Variants in STARD7 observed in about 807,000 individuals in gnomAD.
The protein encoded by STARD7 is stAR-related lipid transfer protein 7, mitochondrial.
Under a neutral mutation model 45.3 loss-of-function variants are expected in STARD7, and 30 were observed. The ratio of observed to expected loss-of-function variants is 0.66; its 90% CI spans 0.50 to 0.90. STARD7 has a LOEUF of 0.90. Ranked by LOEUF, STARD7 falls within the 40% of genes least tolerant of loss-of-function variation. STARD7 has a pLI of 0.00. For missense variants in STARD7, 495 were observed against 491.3 expected, an observed-to-expected ratio of 1.01 and a Z score of -0.07; for synonymous variants, 199 against 183.0, an observed-to-expected ratio of 1.09 and a Z score of -0.70.
chr2:96,204,559 G>A (rs1033301838), intron 1 of STARD7, among the ~76,000 whole-genome samples: 5 of 152,158 alleles, frequency 3.3e-5, no homozygotes, highest in Non-Finnish European at 5.9e-5. Flanking sequence ...TGTCCCGGAA[G>A]GGGGCGGGAG....
intron 6 of STARD7, among the ~76,000 whole-genome samples, chr2:96,191,549 T>C (rs1683125307): frequency 6.6e-6 from 1 of 152,192 alleles, no homozygotes; most frequent in Non-Finnish European, 1.5e-5. Context: ...TCTAAGCATG[T>C]GAGTCTCTCA....
Position 96,208,793 on chromosome 2 carries a change from A to C in STARD7, c.-359T>G. On this transcript the variant is annotated 5_prime_UTR_variant, in exon 1 of 8. Transcript: ENST00000337288. ...ACGAGACAGACAGCTCAGGCCCAGC[A>C]GCACGCAAGCTCCCGCGCCTTCCGC... 2.5e-6 allele frequency: 1 copy of C among 403,162 alleles called. No individual in the cohort carries two copies. Among genetic ancestry groups the C allele is most frequent in the East Asian group, 3.6e-5 (1 of 28,068 alleles). 25.0% of individuals were successfully genotyped at this position (403,162 alleles called of 1,614,324 possible).
chr2:96,186,025 T>A lies in STARD7; in HGVS notation c.*705A>T, dbSNP rs1275155466. On this transcript the variant is annotated 3_prime_UTR_variant, in exon 8 of 8. Transcript: ENST00000337288. ...CTGGCCGATTCACAGGAAACTTGCT[T>A]TGGATAAGGTGAGTCAATGGGTGAT... 6.6e-6 allele frequency: 1 copy of A among 152,128 alleles called. No individual in the cohort carries two copies. The highest frequency in any genetic ancestry group is 1.5e-5 in the Non-Finnish European group (1 of 68,022). The allele number at this position is 152,128 out of a possible 1,614,324, so 9.4% of individuals were successfully genotyped here.
intron 1 of STARD7, among the ~76,000 whole-genome samples, chr2:96,198,588 T>A (rs764679332): frequency 2.0e-5 from 3 of 152,236 alleles, no homozygotes; most frequent in Non-Finnish European, 4.4e-5. Context: ...CCAGCCAACT[T>A]AGTGGGTGTG....
chr2:96,193,809 C>A (rs996485073), intron 3 of STARD7, among the ~76,000 whole-genome samples: 12 of 152,212 alleles, frequency 7.9e-5, no homozygotes, highest in South Asian at 4.1e-4. Flanking sequence ...ACAGATATAC[C>A]ATATACATAA....
intron 5 of STARD7, among the ~76,000 whole-genome samples, chr2:96,192,697 A>G (rs1222401637): frequency 6.6e-6 from 1 of 152,212 alleles, no homozygotes; most frequent in Non-Finnish European, 1.5e-5. Context: ...AGGAAGGAAG[A>G]TCACTTGAGG....
intron 1 of STARD7, among the ~76,000 whole-genome samples, chr2:96,197,070 A>AAAC (rs1573943516): frequency 3.1e-5 from 3 of 96,406 alleles, no homozygotes; most frequent in Non-Finnish European, 4.0e-5. Context: ...CCGTCTCAAA[A>AAAC]TAAAATAAAA....
At chr2:96,190,526 C>T (rs897618095) in intron 6 of STARD7, among the ~76,000 whole-genome samples, 1 of 152,034 alleles carries the variant, frequency 6.6e-6, no homozygotes, top group African/African-American at 2.4e-5. Flanking sequence ...TTAGTAGAGA[C>T]AGGGTTTCAC....
rs397959036 is a variant in STARD7 at position 96,204,749 on chromosome 2, C to CA, written c.290+3395dup. Among the ~76,000 whole-genome samples, 390 of 96,016 alleles carry CA rather than the reference C, an allele frequency of 4.1e-3. 5 individuals are homozygous for CA. The highest frequency in any genetic ancestry group is 8.7e-3 in the Admixed American group (78 of 8,942). 63.0% of individuals were successfully genotyped at this position (96,016 alleles called of 152,430 possible). A position where few individuals can be genotyped will look rare whatever the true frequency, so the allele number is the denominator to read the frequency against. ...TAAGATACCCTGAAGTGACAATGGC[C>CA]AAAAAAAAAAAAAAAAGTTCCTTTA... On this transcript the variant is annotated intron_variant, in intron 1 of 7. Transcript: ENST00000337288.
chr2:96,206,662 G>C (rs60409279), intron 1 of STARD7, among the ~76,000 whole-genome samples: 17,107 of 151,364 alleles, frequency 0.11, 1,159 homozygotes, highest in South Asian at 0.25. Context: ...TTAGCCGGGC[G>C]TGGTGGCGGG....
At chr2:96,188,624 C>T (rs916725338) in intron 6 of STARD7, among the ~76,000 whole-genome samples, 1 of 151,520 alleles carries the variant, frequency 6.6e-6, no homozygotes, top group African/African-American at 2.4e-5. Context: ...TGGCTCACGT[C>T]TGTAATCTCA....
intron 1 of STARD7, among the ~76,000 whole-genome samples, chr2:96,197,575 T>C (rs2104193378): frequency 1.3e-5 from 2 of 152,360 alleles, no homozygotes; most frequent in East Asian, 3.8e-4. Flanking sequence ...CCCTTTGTTT[T>C]TAAATTGATA....
chr2:96,190,543 G>A (rs1165591345), intron 6 of STARD7, among the ~76,000 whole-genome samples: 1 of 152,012 alleles, frequency 6.6e-6, no homozygotes, highest in Admixed American at 6.5e-5. Flanking sequence ...TCACCATGTT[G>A]GCCAGGCTGG....
intron 1 of STARD7, among the ~76,000 whole-genome samples, chr2:96,197,143 C>T (rs905867450): frequency 2.9e-5 from 4 of 139,132 alleles, no homozygotes; most frequent in Admixed American, 7.4e-5. Flanking sequence ...CAACGGCTCA[C>T]GCCTGTAATC....
At chr2:96,193,772 C>G (rs1683162470) in intron 3 of STARD7, among the ~76,000 whole-genome samples, 1 of 152,144 alleles carries the variant, frequency 6.6e-6, no homozygotes, top group Non-Finnish European at 1.5e-5. Context: ...TCTGGCATCA[C>G]TAGTAACTGA....
In STARD7 at chr2:96,195,351, G is replaced by T; in HGVS notation, c.489C>A (p.Tyr163Ter). The change falls in exon 2 of 8, where the codon TAC (tyrosine) becomes TAA (stop). Residue 163 changes from tyrosine (Y) to a stop codon, truncating the protein, a stop_gained. Coordinates refer to ENST00000337288, the MANE Select transcript of STARD7 (RefSeq NM_020151.4). LOFTEE classifies it high-confidence loss of function. ...CCACACTGGGCTCACCTCGGTACTG[G>T]TAAAGGTGGGTGCCTGTAATTGGGC... ...WRRPITGTHL[Y>*]QYRVFGTYTD... The T allele has an allele frequency of 6.4e-7, 1 of 1,572,624 alleles. No individual in the cohort carries two copies. Among genetic ancestry groups the T allele is most frequent in the Non-Finnish European group, 8.6e-7 (1 of 1,158,810 alleles).
chr2:96,192,280 A>G, intron 6 of STARD7, 89 bp downstream of exon 6: 2 of 1,056,786 alleles, frequency 1.9e-6, no homozygotes, highest in Admixed American at 1.7e-5. Flanking sequence ...TTCCTGCGCC[A>G]CACCCCCTCC....
chr2:96,205,621 G>A (rs1683376435), intron 1 of STARD7, among the ~76,000 whole-genome samples: 1 of 152,184 alleles, frequency 6.6e-6, no homozygotes, highest in Non-Finnish European at 1.5e-5. Flanking sequence ...CGAAATCCAA[G>A]ATGTTCTAAG....
intron 1 of STARD7, 28 bp downstream of exon 1, chr2:96,208,116 GC>G (rs1683427888): frequency 7.3e-6 from 11 of 1,514,886 alleles, no homozygotes; most frequent in Non-Finnish European, 9.7e-6. Context: ...CCACCCCACG[GC>G]CCAGAAAGAG....
Sources: allele counts gnomAD v4.1 joint callset (sites outside exome capture counted in the v4.1 genomes callset), GRCh38; gene constraint gnomAD v4.1.1; transcripts MANE v1.5; gene names NCBI Gene and HGNC (gene_info 2026-07-23, HGNC 2026-07-21).